FBN1: variants seen among roughly 807,000 people sequenced by gnomAD.
FBN1 encodes the protein fibrillin 1.
FBN1 carries 29 observed loss-of-function variants against 365.1 expected under a neutral mutation model. The observed-to-expected ratio is 0.08, with a 90% CI of 0.06 to 0.11. The LOEUF is 0.11. Among genes scored for constraint, FBN1 ranks in the 10% least tolerant of loss-of-function variants. The pLI, the probability that FBN1 is intolerant of heterozygous loss-of-function variation, is 1.00. For missense variants in FBN1, 2,476 were observed against 3,703.2 expected, an observed-to-expected ratio of 0.67 and a Z score of 8.60; for synonymous variants, 1,210 against 1,270.5, an observed-to-expected ratio of 0.95 and a Z score of 1.01.
intron 6 of FBN1, among the ~76,000 whole-genome samples, chr15:48,548,815 A>G (rs372889459): frequency 7.2e-5 from 11 of 152,214 alleles, no homozygotes; most frequent in African/African-American, 2.2e-4. Flanking sequence ...CTTGAGCCAG[A>G]TTTTAGCTCT....
rs1385000242 is a variant in FBN1 at position 48,645,675 on chromosome 15, G to A, written c.-282C>T. On this transcript the variant is annotated 5_prime_UTR_variant, in exon 1 of 66. Coordinates refer to ENST00000316623, the MANE Select transcript of FBN1 (RefSeq NM_000138.5). Reference sequence around the variant, plus strand: ...GGCTCCGCTCGCAGCTGTCCCAGCTGTGGCTCCTGTCCGCTTGTGGCACCC... The same window carrying A: ...GGCTCCGCTCGCAGCTGTCCCAGCTATGGCTCCTGTCCGCTTGTGGCACCC... 6.6e-6 allele frequency: 1 copy of A among 152,468 alleles called. No individual in the cohort carries two copies. Among genetic ancestry groups the A allele is most frequent in the East Asian group, 1.9e-4 (1 of 5,204 alleles). The allele number at this position is 152,468 out of a possible 1,614,324, so 9.4% of individuals were successfully genotyped here.
intron 6 of FBN1, among the ~76,000 whole-genome samples, chr15:48,554,172 C>T (rs1030876706): frequency 2.0e-5 from 3 of 152,114 alleles, no homozygotes; most frequent in Non-Finnish European, 2.9e-5. Context: ...AAACACAGAG[C>T]GGCAAAGTTA....
At chr15:48,584,731 C>T (rs1267069431) in intron 6 of FBN1, among the ~76,000 whole-genome samples, 1 of 152,032 alleles carries the variant, frequency 6.6e-6, no homozygotes, top group Non-Finnish European at 1.5e-5. Flanking sequence ...CAAATTATGC[C>T]GTCTGAAAAA....
chr15:48,523,848 A>AT (rs1278908492), intron 9 of FBN1, among the ~76,000 whole-genome samples: 6 of 152,196 alleles, frequency 3.9e-5, no homozygotes, highest in Non-Finnish European at 7.3e-5. Flanking sequence ...AACACCTTCC[A>AT]TTTTAAATCT....
Position 48,468,476 on chromosome 15 carries a change from T to C in FBN1, c.4518A>G (p.Pro1506=). The C allele has an allele frequency of 6.2e-7, 1 of 1,614,068 alleles. No homozygotes were observed. The highest frequency in any genetic ancestry group is 8.5e-7 in the Non-Finnish European group (1 of 1,179,924). ...GTGGGCAGTCACAGATATAGCTGCC[T>C]GGAGTGTTGACACAGTTCCCACTGA... is the stretch of plus-strand genomic sequence containing the variant. ...TCISGNCVNT[P]GSYICDCPPD... is the part of the protein sequence containing the mutation. The change falls in exon 37 of 66, where the codon CCA becomes CCG. Residue 1506 remains proline, a synonymous_variant. Transcript: ENST00000316623.
At chr15:48,477,817 T>TA (rs1460772407) in intron 32 of FBN1, among the ~76,000 whole-genome samples, 2 of 152,202 alleles carry the variant, frequency 1.3e-5, no homozygotes, top group African/African-American at 4.8e-5. Context: ...AATTCAAACT[T>TA]AAAGTGACAC....
At chr15:48,431,911 T>C (rs533748911) in intron 55 of FBN1, among the ~76,000 whole-genome samples, 1 of 152,266 alleles carries the variant, frequency 6.6e-6, no homozygotes, top group South Asian at 2.1e-4. Context: ...CACCTCGGCC[T>C]CCCAAAGTGC....
Position 48,515,465 on chromosome 15 carries a change from G to A in FBN1, c.1390C>T (p.Arg464Cys), listed in dbSNP as rs587782943. ...TAACTCCCAGGAGTTGGAATGCAGC[G>A]TCCATTTTGACAGAGATAGCGGACC... ...QLVRYLCQNG[R>C]CIPTPGSYRC... The change falls in exon 12 of 66, where the codon CGC becomes TGC. Residue 464 changes from arginine to cysteine, a missense_variant. Physicochemically the swap from Arg to Cys is radical, Grantham distance 180. This residue lies in a region of FBN1 where 421 missense variants were observed against 520.1 expected (regional missense o/e 0.81). Coordinates refer to ENST00000316623, the MANE Select transcript of FBN1 (RefSeq NM_000138.5). 2.5e-6 allele frequency: 4 copies of A among 1,613,996 alleles called. No individual in the cohort carries two copies. The highest frequency in any genetic ancestry group is 1.6e-4 in the Middle Eastern group (1 of 6,062).
chr15:48,529,798 T>C (rs1270378227), intron 8 of FBN1: 2 of 152,840 alleles, frequency 1.3e-5, no homozygotes, highest in Non-Finnish European at 2.9e-5. Flanking sequence ...GACAAAAACG[T>C]CAGCCATACT....
At chr15:48,514,725 T>G (rs1196844369) in intron 12 of FBN1, among the ~76,000 whole-genome samples, 1 of 152,218 alleles carries the variant, frequency 6.6e-6, no homozygotes, top group African/African-American at 2.4e-5. Context: ...TTTGGGGATA[T>G]TTTTAACGCT....
intron 2 of FBN1, among the ~76,000 whole-genome samples, chr15:48,625,302 T>C (rs1889854404): frequency 6.6e-6 from 1 of 152,206 alleles, no homozygotes; most frequent in Non-Finnish European, 1.5e-5. Context: ...TCTGGGAACC[T>C]GACCACAACT....
chr15:48,642,931 C>T (rs1401333165), intron 2 of FBN1: 1 of 152,132 alleles, frequency 6.6e-6, no homozygotes, highest in Non-Finnish European at 1.5e-5. Flanking sequence ...AGTGTGGCAT[C>T]CTGTTAAGCA....
At chr15:48,453,171 G>A (rs527562780) in intron 44 of FBN1, among the ~76,000 whole-genome samples, 2 of 152,004 alleles carry the variant, frequency 1.3e-5, no homozygotes, top group South Asian at 2.1e-4. Flanking sequence ...CAGGAGAACC[G>A]TTTGAGCCTG....
chr15:48,632,860 T>G (rs532005097), intron 2 of FBN1, among the ~76,000 whole-genome samples: 2 of 152,210 alleles, frequency 1.3e-5, no homozygotes, highest in Non-Finnish European at 2.9e-5. Flanking sequence ...ACCGACTATG[T>G]GACCCTGGGG....
At chr15:48,537,451 G>C (rs1396533818) in intron 7 of FBN1, among the ~76,000 whole-genome samples, 160 bp downstream of exon 7, 4 of 152,202 alleles carry the variant, frequency 2.6e-5, no homozygotes. Context: ...GCTCTCTCGA[G>C]AGCCACGTTC....
Position 48,462,921 on chromosome 15 carries a change from G to A in FBN1, c.5224+161C>T, listed in dbSNP as rs114977319. ...ATATTCTGTGACTCAGTGTTCGGCTGGAATGACCAGCACCAACTGTGAATT... is the reference window on the plus strand; with the variant it reads ...ATATTCTGTGACTCAGTGTTCGGCTAGAATGACCAGCACCAACTGTGAATT... On this transcript the variant is annotated intron_variant, in intron 42 of 65. Transcript: ENST00000316623. 5.1e-3 allele frequency among the ~76,000 whole-genome samples: 774 copies of A among 152,272 alleles called. 4 individuals carry two copies. The highest frequency in any genetic ancestry group is 0.018 in the African/African-American group (743 of 41,544).
chr15:48,580,163 C>G (rs2044380560), intron 6 of FBN1, among the ~76,000 whole-genome samples: 1 of 152,106 alleles, frequency 6.6e-6, no homozygotes, highest in African/African-American at 2.4e-5. Flanking sequence ...ATCCTCATAC[C>G]TACCCACACC....
rs28730789 is a variant in FBN1, at chr15:48,441,642, G to C, written c.6163+79C>G. On this transcript the variant is annotated intron_variant, in intron 50 of 65. Transcript: ENST00000316623. ...ATCTTCCTGTTCACAAAGAAACAGA[G>C]CTTTGCCATGTTTGAAAAATAAGAC... 1,200 of 1,557,476 alleles carry C rather than the reference G, an allele frequency of 7.7e-4. 4 individuals are homozygous for C. The African/African-American group carries it at 0.015, about 19-fold the overall frequency.
chr15:48,468,744 C>T (rs1164010939), intron 36 of FBN1, among the ~76,000 whole-genome samples: 1 of 152,102 alleles, frequency 6.6e-6, no homozygotes, highest in Non-Finnish European at 1.5e-5. Flanking sequence ...CCCCAGAACA[C>T]ATTTACCATT....
Sources: gnomAD v4.1 joint callset for allele counts (sites outside exome capture counted in the v4.1 genomes callset) on GRCh38, gnomAD v4.1.1 for gene constraint, gnomAD v4.1.1 regional missense constraint, MANE v1.5 for transcripts, NCBI Gene and HGNC (gene_info 2026-07-23, HGNC 2026-07-21) for gene names.